Variants in NHS observed in about 807,000 individuals in gnomAD.
NHS encodes NHS actin remodeling regulator, also known as actin remodeling regulator NHS.
Under a neutral mutation model 72.5 loss-of-function variants are expected in NHS, and 5 were observed. The ratio of observed to expected loss-of-function variants is 0.07; its 90% CI spans 0.04 to 0.14. The LOEUF is 0.14. Among genes scored for constraint, NHS ranks in the 10% least tolerant of loss-of-function variants. NHS has a pLI of 1.00. For missense variants in NHS, 1,072 were observed against 1,355.7 expected, an observed-to-expected ratio of 0.79 and a Z score of 3.29; for synonymous variants, 464 against 547.7, an observed-to-expected ratio of 0.85 and a Z score of 2.13.
At chrX:17,531,182 C>G (rs1345498257) in intron 1 of NHS, among the ~76,000 whole-genome samples, 1 of 108,814 alleles carries the variant, frequency 9.2e-6, no homozygotes, top group Non-Finnish European at 1.9e-5. Flanking sequence ...GTACCTCCCC[C>G]TTATAAACCT....
At chrX:17,417,856 A>G (rs1219869373) in intron 1 of NHS, among the ~76,000 whole-genome samples, 1 of 112,006 alleles carries the variant, frequency 8.9e-6, no homozygotes, top group African/African-American at 3.2e-5. Flanking sequence ...TGAGAAATAA[A>G]AGACCACGGA....
chrX:17,677,977 T>G (rs971604588), intron 1 of NHS, among the ~76,000 whole-genome samples: 1 of 109,849 alleles, frequency 9.1e-6, no homozygotes, highest in Non-Finnish European at 1.9e-5. Context: ...ATTTTTGAGG[T>G]TTTGTTGTTG....
chrX:17,427,858 G>A (rs759925361), intron 1 of NHS, among the ~76,000 whole-genome samples: 4 of 112,260 alleles, frequency 3.6e-5, no homozygotes, highest in Non-Finnish European at 7.5e-5. Context: ...ATCGTAAGTT[G>A]AATTCATCAC....
chrX:17,718,663 T>G (rs1175605538), intron 3 of NHS, among the ~76,000 whole-genome samples: 104 of 43,552 alleles, frequency 2.4e-3, no homozygotes, highest in Admixed American at 3.5e-3. Context: ...GGAAGGGAAG[T>G]AGGAAAGGAA....
At chrX:17,684,999 G>A (rs1268234852) in intron 1 of NHS, among the ~76,000 whole-genome samples, 1 of 112,487 alleles carries the variant, frequency 8.9e-6, no homozygotes, top group Admixed American at 9.4e-5. Context: ...AGGGAGCATG[G>A]TGAACCCGAA....
intron 1 of NHS, among the ~76,000 whole-genome samples, chrX:17,512,690 G>A (rs2065095841): frequency 8.9e-6 from 1 of 112,725 alleles, no homozygotes; most frequent in Non-Finnish European, 1.9e-5. Flanking sequence ...ATTTCCTAAT[G>A]TATCAGTCAC....
At chrX:17,485,979 AC>A (rs2064965957) in intron 1 of NHS, among the ~76,000 whole-genome samples, 1 of 111,458 alleles carries the variant, frequency 9.0e-6, no homozygotes, top group Non-Finnish European at 1.9e-5. Context: ...CCTAGCTGGG[AC>A]TAATATATCA....
chrX:17,561,586 AC>A, intron 1 of NHS, among the ~76,000 whole-genome samples: 1 of 98,684 alleles, frequency 1.0e-5, no homozygotes, highest in East Asian at 3.4e-4. Context: ...ACACACACAC[AC>A]ACACACACAC....
chrX:17,731,569 A>G (rs1036195800), intron 8 of NHS, among the ~76,000 whole-genome samples: 4 of 111,130 alleles, frequency 3.6e-5, no homozygotes, highest in African/African-American at 1.3e-4. Flanking sequence ...ACTTTTACAA[A>G]GTATCCTCTA....
At chrX:17,501,201 C>A (rs886511748) in intron 1 of NHS, among the ~76,000 whole-genome samples, 1 of 105,395 alleles carries the variant, frequency 9.5e-6, no homozygotes, top group African/African-American at 3.5e-5. Context: ...AAAACCCTGT[C>A]TCTAGAAAAA....
intron 1 of NHS, among the ~76,000 whole-genome samples, chrX:17,658,799 T>C (rs1200384437): frequency 8.9e-6 from 1 of 111,877 alleles, no homozygotes; most frequent in Non-Finnish European, 1.9e-5. Flanking sequence ...GCTCGACCTG[T>C]ACCAAATAAG....
At chrX:17,712,948 C>T (rs1027360355) in intron 3 of NHS, among the ~76,000 whole-genome samples, 2 of 111,471 alleles carry the variant, frequency 1.8e-5, no homozygotes, top group Non-Finnish European at 3.8e-5. Context: ...CTTCTGCCTA[C>T]CTCTTCATTG....
chrX:17,404,832 C>G (rs904001210), intron 1 of NHS, among the ~76,000 whole-genome samples: 1 of 105,381 alleles, frequency 9.5e-6, no homozygotes, highest in Non-Finnish European at 1.9e-5. Context: ...TCTCTCTCTC[C>G]GTGGCAATTA....
intron 1 of NHS, among the ~76,000 whole-genome samples, chrX:17,582,642 C>A (rs1222491376): frequency 8.9e-6 from 1 of 111,881 alleles, no homozygotes; most frequent in Non-Finnish European, 1.9e-5. Context: ...CACAGAGAAG[C>A]CTTTTAGATG....
chrX:17,467,018 A>T, intron 1 of NHS, among the ~76,000 whole-genome samples: 1 of 111,849 alleles, frequency 8.9e-6, no homozygotes, highest in Non-Finnish European at 1.9e-5. Context: ...TGTACTCAGC[A>T]TCTAGTCTCA....
chrX:17,481,553 T>C (rs1406541249), intron 1 of NHS, among the ~76,000 whole-genome samples: 3 of 111,627 alleles, frequency 2.7e-5, no homozygotes, highest in Non-Finnish European at 5.7e-5. Context: ...TGTTTTGTCT[T>C]GTGTGTGTGT....
At chrX:17,654,760 A>G (rs1171056483) in intron 1 of NHS, among the ~76,000 whole-genome samples, 1 of 112,575 alleles carries the variant, frequency 8.9e-6, no homozygotes, top group African/African-American at 3.2e-5. Context: ...CCCACAAGTC[A>G]TCTTTGGATA....
chrX:17,576,607 G>A (rs1430682859), intron 1 of NHS, among the ~76,000 whole-genome samples: 3 of 112,028 alleles, frequency 2.7e-5, no homozygotes, highest in Middle Eastern at 4.6e-3. Context: ...AAAACAGAAG[G>A]TTACCAACAG....
chrX:17,504,720 A>T (rs2065049192), intron 1 of NHS, among the ~76,000 whole-genome samples: 2 of 112,302 alleles, frequency 1.8e-5, no homozygotes, highest in South Asian at 7.4e-4. Context: ...GGGTCACCAC[A>T]TGTGGCAACG....
Sources: gnomAD v4.1 joint callset for allele counts (sites outside exome capture counted in the v4.1 genomes callset) on GRCh38, gnomAD v4.1.1 for gene constraint, MANE v1.5 for transcripts, NCBI Gene and HGNC (gene_info 2026-07-23, HGNC 2026-07-21) for gene names.